Variants in TNNI3K observed in about 807,000 individuals in gnomAD.
TNNI3K encodes serine/threonine-protein kinase TNNI3K.
TNNI3K carries 140 observed loss-of-function variants against 114.5 expected under a neutral mutation model. The ratio of observed to expected loss-of-function variants is 1.22; its 90% CI spans 1.07 to 1.41. The LOEUF (loss-of-function observed/expected upper bound fraction) is 1.41. Ranked by LOEUF, TNNI3K falls within the 40% of genes most tolerant of loss-of-function variation. TNNI3K has a pLI of 0.00. For missense variants in TNNI3K, 1,125 were observed against 1,007.6 expected (o/e 1.12, Z -1.58); for synonymous variants, 347 against 347.5 (o/e 1.00, Z 0.02).
At position 74,369,586 on chromosome 1, in the gene TNNI3K, G is replaced by T. The variant is rs199684206; in HGVS notation, c.1667+1G>T. ...TCTCCCTCCTTCATGAGCAGAAGAG[G>T]TATGGGTCTTTTGTTCTGATTTATC... On this transcript the variant is annotated splice_donor_variant, in intron 16 of 24. Coordinates refer to ENST00000326637, the MANE Select transcript of TNNI3K (RefSeq NM_015978.3). LOFTEE classifies it high-confidence loss of function. The T allele has an allele frequency of 1.3e-6, 2 of 1,598,626 alleles. No individual in the cohort carries two copies. Among genetic ancestry groups the T allele is most frequent in the South Asian group, 1.1e-5 (1 of 88,442 alleles).
At chr1:74,332,814 T>C (rs181078602) in intron 6 of TNNI3K, among the ~76,000 whole-genome samples, 3 of 152,112 alleles carry the variant, frequency 2.0e-5, no homozygotes, top group African/African-American at 4.8e-5. Flanking sequence ...TTTTCCTAAA[T>C]GGAGAAGCCA....
At chr1:74,364,148 T>A (rs904078499) in intron 11 of TNNI3K, among the ~76,000 whole-genome samples, 56 of 151,532 alleles carry the variant, frequency 3.7e-4, no homozygotes, top group African/African-American at 1.3e-3. Context: ...TACAGGCAGA[T>A]GCTACCATGC....
At chr1:74,330,213 A>G (rs1660124844) in intron 5 of TNNI3K, among the ~76,000 whole-genome samples, 1 of 152,076 alleles carries the variant, frequency 6.6e-6, no homozygotes, top group Non-Finnish European at 1.5e-5. Context: ...TTTGAGCTAC[A>G]GAAAATTGAA....
At chr1:74,320,445 A>G in intron 5 of TNNI3K, among the ~76,000 whole-genome samples, 1 of 152,334 alleles carries the variant, frequency 6.6e-6, no homozygotes, top group African/African-American at 2.4e-5. Flanking sequence ...AATAGTCTGT[A>G]AGGTACAACT....
intron 23 of TNNI3K, among the ~76,000 whole-genome samples, chr1:74,539,003 C>G (rs983100097): frequency 6.6e-6 from 1 of 151,974 alleles, no homozygotes; most frequent in Admixed American, 6.6e-5. Flanking sequence ...ATGATGTAAT[C>G]TGTTTATATT....
At chr1:74,311,769 T>A (rs1219633179) in intron 5 of TNNI3K, among the ~76,000 whole-genome samples, 1 of 152,204 alleles carries the variant, frequency 6.6e-6, no homozygotes, top group African/African-American at 2.4e-5. Flanking sequence ...CTCCTCTGAA[T>A]ACTGAAATTT....
intron 5 of TNNI3K, among the ~76,000 whole-genome samples, chr1:74,276,075 GA>G (rs1025349251): frequency 7.2e-5 from 11 of 152,064 alleles, no homozygotes; most frequent in Non-Finnish European, 2.9e-5. Flanking sequence ...ATTACATGAT[GA>G]TTAAACAAAG....
intron 21 of TNNI3K, chr1:74,464,664 C>A: frequency 6.3e-7 from 1 of 1,595,810 alleles, no homozygotes; most frequent in South Asian, 1.1e-5. Context: ...ATTACCCAGT[C>A]TCATCTGTGT....
chr1:74,395,424 G>A (rs900674456), intron 17 of TNNI3K, among the ~76,000 whole-genome samples: 4 of 152,124 alleles, frequency 2.6e-5, no homozygotes, highest in African/African-American at 9.7e-5. Context: ...CAAGTGTCTT[G>A]TCTCCCTGCA....
At chr1:74,443,051 A>G (rs938095989) in intron 20 of TNNI3K, among the ~76,000 whole-genome samples, 4 of 152,170 alleles carry the variant, frequency 2.6e-5, no homozygotes, top group East Asian at 1.9e-4. Flanking sequence ...TGCCCACCTC[A>G]AAAAGCTAGA....
chr1:74,534,164 C>T (rs1438905989), intron 23 of TNNI3K, among the ~76,000 whole-genome samples: 2 of 152,018 alleles, frequency 1.3e-5, no homozygotes, highest in South Asian at 4.1e-4. Flanking sequence ...CATAGTAGAA[C>T]GTAATGTTCT....
In TNNI3K at chr1:74,273,454, A is replaced by G. The variant is rs770082910; in HGVS notation, c.444+1746A>G. The stretch of plus-strand genomic sequence containing the variant: ...GGGTGAAATAATTTATGAGTTAGAC[A>G]CTAACTTCTAGTAAAACATGATCAA... On this transcript the variant is annotated intron_variant, in intron 5 of 24. Transcript: ENST00000326637. Among the ~76,000 whole-genome samples the G allele has an allele frequency of 2.8e-4, 42 of 152,114 alleles. 1 individual carries two copies. The highest frequency in any genetic ancestry group is 4.9e-4 in the Non-Finnish European group (33 of 67,904).
chr1:74,293,067 A>G lies in TNNI3K; in HGVS notation c.444+21359A>G, dbSNP rs190060275. ...TCTTTTTCTATACTGTTATTTTAAG[A>G]CTTCATAACTGTTTTACTTTAAAGG... On this transcript the variant is annotated intron_variant, in intron 5 of 24. Transcript: ENST00000326637. Among the ~76,000 whole-genome samples, 179 of 151,724 alleles carry G rather than the reference A, an allele frequency of 1.2e-3. 2 individuals carry two copies. Among genetic ancestry groups the G allele is most frequent in the African/African-American group, 4.1e-3 (169 of 41,534 alleles).
intron 9 of TNNI3K, among the ~76,000 whole-genome samples, chr1:74,345,625 C>T (rs1246691235): frequency 6.6e-6 from 1 of 152,142 alleles, no homozygotes; most frequent in Non-Finnish European, 1.5e-5. Flanking sequence ...AGTCCCTATG[C>T]CCTTCCTTTA....
Position 74,540,285 on chromosome 1 carries a change from T to A in TNNI3K, c.2403T>A (p.Ser801Arg). The change falls in exon 24 of 25, where the codon AGT (serine) becomes AGA (arginine). Residue 801 changes from serine (S) to arginine (R), a missense_variant. Ser to Arg is a moderately radical substitution (Grantham distance 110). Coordinates refer to ENST00000326637, the MANE Select transcript of TNNI3K (RefSeq NM_015978.3). ...QGLSLEEMKR[S>R]LQYTPIDKYG... ...TGTCTTTGGAGGAGATGAAAAGAAG[T>A]CTTCAATACACACCCATTGACAAAT... The A allele has an allele frequency of 1.9e-6, 3 of 1,612,690 alleles. No individual in the cohort carries two copies. Among genetic ancestry groups the A allele is most frequent in the Non-Finnish European group, 2.5e-6 (3 of 1,179,176 alleles).
chr1:74,235,544 G>A, intron 1 of TNNI3K, 53 bp downstream of exon 1: 2 of 985,950 alleles, frequency 2.0e-6, no homozygotes, highest in Admixed American at 5.1e-5. Flanking sequence ...TTCAATTATA[G>A]TTACTGATAA....
chr1:74,263,805 G>T (rs2100876699), intron 4 of TNNI3K, among the ~76,000 whole-genome samples: 1 of 152,004 alleles, frequency 6.6e-6, no homozygotes, highest in South Asian at 2.1e-4. Flanking sequence ...AAACATAAAA[G>T]TTCAGAGTTT....
chr1:74,368,828 A>C (rs1436342409), intron 13 of TNNI3K, among the ~76,000 whole-genome samples, 194 bp from the exon 14 acceptor site: 1 of 151,920 alleles, frequency 6.6e-6, no homozygotes, highest in African/African-American at 2.4e-5. Flanking sequence ...AACTAACATG[A>C]TTTTAATGCA....
rs1436419153 is a variant in TNNI3K, at chr1:74,480,982, A to C, written c.2122-8207A>C. 7.2e-6 allele frequency: 5 copies of C among 697,782 alleles called. No homozygotes were observed. The Admixed American group carries it at 1.0e-4, about 14-fold the overall frequency. The allele number at this position is 697,782 out of a possible 1,614,324, so 43.2% of individuals were successfully genotyped here. A position where few individuals can be genotyped will look rare whatever the true frequency, so the allele number is the denominator to read the frequency against. On this transcript the variant is annotated intron_variant, in intron 21 of 24. Coordinates refer to ENST00000326637, the MANE Select transcript of TNNI3K (RefSeq NM_015978.3). ...TCATAGGGGCTGCTGTGGGGAAAAA[A>C]GCACAGACTAGATGCAGGGTACACA...
Sources: gnomAD v4.1 joint callset for allele counts (sites outside exome capture counted in the v4.1 genomes callset) on GRCh38, gnomAD v4.1.1 for gene constraint, MANE v1.5 for transcripts, NCBI Gene and HGNC (gene_info 2026-07-23, HGNC 2026-07-21) for gene names.